ADAM18: variants seen among roughly 807,000 people sequenced by gnomAD.
ADAM18 encodes disintegrin and metalloproteinase domain-containing protein 18.
In ADAM18, 117 loss-of-function variants were observed where a neutral mutation model predicts 94.4. That is an observed-to-expected ratio of 1.24 (90% confidence interval 1.07 to 1.45). ADAM18 has a LOEUF of 1.45. Ranked by LOEUF, ADAM18 falls within the 40% of genes most tolerant of loss-of-function variation. The pLI is 0.00. For synonymous variants in ADAM18, 327 were observed against 291.6 expected, an observed-to-expected ratio of 1.12 and a Z score of -1.24; for missense variants, 936 against 880.0, an observed-to-expected ratio of 1.06 and a Z score of -0.81.
chr8:39,729,902 T>G lies in ADAM18; in HGVS notation c.2182T>G (p.Ser728Ala). ...TTCTGTTTTTCTTCACTATAGTAAT[T>G]CATCCGTTGTATCAGAAAGCGATGA... ...NRENAEYNRNSSVVSESDDVG... is the reference protein window; with the variant it reads ...NRENAEYNRNASVVSESDDVG... Residue 728 changes from serine (S) to alanine (A), a missense_variant, in exon 20 of 20, where the codon TCA becomes GCA. Coordinates refer to ENST00000265707, the MANE Select transcript of ADAM18 (RefSeq NM_014237.3). 6.2e-7 allele frequency: 1 copy of G among 1,613,360 alleles called. No homozygotes were observed. Among genetic ancestry groups the G allele is most frequent in the African/African-American group, 1.3e-5 (1 of 75,052 alleles).
At chr8:39,697,419 G>A (rs1821954809) in intron 17 of ADAM18, among the ~76,000 whole-genome samples, 1 of 151,106 alleles carries the variant, frequency 6.6e-6, no homozygotes, top group Non-Finnish European at 1.5e-5. Context: ...TTTGTATGTT[G>A]TGTTTTTATT....
intron 7 of ADAM18, among the ~76,000 whole-genome samples, chr8:39,634,153 C>T (rs1820009667): frequency 6.6e-6 from 1 of 152,134 alleles, no homozygotes; most frequent in Non-Finnish European, 1.5e-5. Flanking sequence ...TTCTCTGCTG[C>T]CCTGGCTTTA....
chr8:39,646,732 AG>A (rs1820389448), intron 11 of ADAM18, among the ~76,000 whole-genome samples: 3 of 152,234 alleles, frequency 2.0e-5, no homozygotes, highest in Non-Finnish European at 2.9e-5. Context: ...TAGATATACT[AG>A]TGGAAATATA....
intron 18 of ADAM18, among the ~76,000 whole-genome samples, chr8:39,707,528 G>GTT (rs1447737282): frequency 6.6e-6 from 1 of 152,112 alleles, no homozygotes; most frequent in African/African-American, 2.4e-5. Context: ...AACTTTTGTA[G>GTT]TTTGAGATAC....
In ADAM18 at chr8:39,634,128, A is replaced by C. The variant is rs1259805526; in HGVS notation, c.589-3136A>C. 2.6e-5 allele frequency among the ~76,000 whole-genome samples: 4 copies of C among 152,138 alleles called. No individual in the cohort carries two copies. The South Asian group carries it at 8.3e-4, about 32-fold the overall frequency. Reference sequence around the variant, plus strand: ...GCCACCTCAGGTCTAAGATCCTTTCATCACAGCCAGGCACTTCTCTGCTGC... The same window carrying C: ...GCCACCTCAGGTCTAAGATCCTTTCCTCACAGCCAGGCACTTCTCTGCTGC... On this transcript the variant is annotated intron_variant, in intron 7 of 19. Transcript: ENST00000265707.
intron 18 of ADAM18, among the ~76,000 whole-genome samples, chr8:39,715,291 CAACCTATCA>C (rs1423979253): frequency 6.6e-6 from 1 of 151,906 alleles, no homozygotes; most frequent in Admixed American, 6.6e-5. Flanking sequence ...AAATGAAATA[CAACCTATCA>C]AAATTTGTGA....
At chr8:39,638,571 C>T (rs1193551020) in intron 10 of ADAM18, 25 bp downstream of exon 10, 12 of 1,410,572 alleles carry the variant, frequency 8.5e-6, no homozygotes, top group African/African-American at 1.5e-5. Context: ...TTCTTCTTTA[C>T]ATCACTATTT....
intron 2 of ADAM18, among the ~76,000 whole-genome samples, chr8:39,586,655 G>T (rs911837246): frequency 6.6e-6 from 1 of 152,052 alleles, no homozygotes; most frequent in Non-Finnish European, 1.5e-5. Flanking sequence ...TGAGCCCAGC[G>T]GTTGGAGGCT....
chr8:39,609,764 C>T (rs1259965539), intron 5 of ADAM18, among the ~76,000 whole-genome samples: 2 of 152,024 alleles, frequency 1.3e-5, no homozygotes, highest in Admixed American at 6.6e-5. Flanking sequence ...CCAGGGTTAT[C>T]GTGGAAAATG....
chr8:39,718,441 T>C (rs1193246977), intron 18 of ADAM18, among the ~76,000 whole-genome samples: 1 of 151,584 alleles, frequency 6.6e-6, no homozygotes, highest in Non-Finnish European at 1.5e-5. Context: ...TGATGCTAAG[T>C]GAAATAAGCT....
intron 2 of ADAM18, among the ~76,000 whole-genome samples, chr8:39,595,563 C>T (rs1026843478): frequency 8.5e-5 from 13 of 152,254 alleles, no homozygotes; most frequent in African/African-American, 3.1e-4. Flanking sequence ...AAATTCACTC[C>T]AGGCTGGAGT....
chr8:39,624,798 C>T lies in ADAM18; in HGVS notation c.523-4576C>T, dbSNP rs769858141. ...GGTTGTTTAAAAGTGTGTAGCACCT[C>T]CCCTGCTCTCTCTTTCTCCTGCTCC... On this transcript the variant is annotated intron_variant, in intron 6 of 19. Coordinates refer to ENST00000265707, the MANE Select transcript of ADAM18 (RefSeq NM_014237.3). 5.3e-5 allele frequency among the ~76,000 whole-genome samples: 8 copies of T among 152,140 alleles called. No homozygotes were observed. The South Asian group carries it at 1.7e-3, about 31-fold the overall frequency.
intron 19 of ADAM18, among the ~76,000 whole-genome samples, chr8:39,728,098 C>A (rs1354720214): frequency 6.6e-6 from 1 of 152,014 alleles, no homozygotes; most frequent in East Asian, 1.9e-4. Context: ...GTACCACACA[C>A]TTTGAAATGG....
At chr8:39,590,385 T>C (rs1818536825) in intron 2 of ADAM18, among the ~76,000 whole-genome samples, 1 of 152,008 alleles carries the variant, frequency 6.6e-6, no homozygotes, top group African/African-American at 2.4e-5. Flanking sequence ...AATTGAGCAA[T>C]GAGATCACAT....
intron 6 of ADAM18, among the ~76,000 whole-genome samples, chr8:39,613,269 C>T (rs1819331783): frequency 6.6e-6 from 1 of 152,204 alleles, no homozygotes; most frequent in South Asian, 2.1e-4. Context: ...AACTTGGCCT[C>T]TCAAGCACAG....
At chr8:39,632,061 A>AT (rs1234986167) in intron 7 of ADAM18, among the ~76,000 whole-genome samples, 1 of 151,538 alleles carries the variant, frequency 6.6e-6, no homozygotes, top group East Asian at 1.9e-4. Flanking sequence ...TTTTTGGTAG[A>AT]TTTTTTAATG....
chr8:39,623,757 C>T (rs949551566), intron 6 of ADAM18, among the ~76,000 whole-genome samples: 1 of 151,938 alleles, frequency 6.6e-6, no homozygotes, highest in Non-Finnish European at 1.5e-5. Flanking sequence ...CCACCATGCC[C>T]GGCTAATTTT....
At chr8:39,619,023 A>G (rs995585821) in intron 6 of ADAM18, among the ~76,000 whole-genome samples, 1 of 152,172 alleles carries the variant, frequency 6.6e-6, no homozygotes, top group Non-Finnish European at 1.5e-5. Context: ...AGGAGTAGCT[A>G]TACTTAGATA....
intron 2 of ADAM18, among the ~76,000 whole-genome samples, chr8:39,589,946 A>G (rs1818523841): frequency 6.7e-6 from 1 of 149,098 alleles, no homozygotes; most frequent in African/African-American, 2.5e-5. Context: ...CAGGTGCTGG[A>G]GAGGATGTGG....
Sources: allele counts gnomAD v4.1 joint callset (sites outside exome capture counted in the v4.1 genomes callset), GRCh38; gene constraint gnomAD v4.1.1; transcripts MANE v1.5; gene names NCBI Gene and HGNC (gene_info 2026-07-23, HGNC 2026-07-21).